Variants in PHLPP1 observed in about 807,000 individuals in gnomAD.
The protein encoded by PHLPP1 is PH domain and leucine rich repeat protein phosphatase 1.
PHLPP1 carries 42 observed loss-of-function variants against 117.2 expected under a neutral mutation model. The observed-to-expected ratio is 0.36, with a 90% CI of 0.28 to 0.46. The LOEUF is 0.46. PHLPP1 is among the 20% of genes least tolerant of loss of function. The pLI, the probability that PHLPP1 is intolerant of heterozygous loss-of-function variation, is 1.00. For synonymous variants in PHLPP1, 1,042 were observed against 970.7 expected (o/e 1.07, Z -1.37); for missense variants, 2,084 against 2,241.9 (o/e 0.93, Z 1.42).
chr18:62,862,973 A>C (rs1015575876), intron 4 of PHLPP1, among the ~76,000 whole-genome samples: 1 of 152,088 alleles, frequency 6.6e-6, no homozygotes, highest in South Asian at 2.1e-4. Flanking sequence ...AGACTCTAAT[A>C]AGGATATTTT....
intron 1 of PHLPP1, among the ~76,000 whole-genome samples, chr18:62,824,560 G>A (rs1914556293): frequency 6.6e-6 from 1 of 152,026 alleles, no homozygotes; most frequent in African/African-American, 2.4e-5. Context: ...TTCTGGTGAT[G>A]GTTTCATGTG....
chr18:62,877,676 G>C (rs571643356), intron 4 of PHLPP1, among the ~76,000 whole-genome samples: 1 of 152,180 alleles, frequency 6.6e-6, no homozygotes, highest in African/African-American at 2.4e-5. Context: ...TTGCTTTTCA[G>C]ATGGAATTGT....
At chr18:62,743,373 T>C (rs1911585556) in intron 1 of PHLPP1, among the ~76,000 whole-genome samples, 1 of 152,006 alleles carries the variant, frequency 6.6e-6, no homozygotes, top group South Asian at 2.1e-4. Flanking sequence ...TAATGAACTC[T>C]CACGTAATCA....
intron 1 of PHLPP1, among the ~76,000 whole-genome samples, chr18:62,774,067 G>T (rs1261068089): frequency 6.6e-6 from 1 of 152,130 alleles, no homozygotes; most frequent in African/African-American, 2.4e-5. Flanking sequence ...TTTAATACAT[G>T]TTTTTTTGTG....
chr18:62,862,247 T>G (rs1306955647), intron 4 of PHLPP1, among the ~76,000 whole-genome samples: 1 of 151,834 alleles, frequency 6.6e-6, no homozygotes, highest in African/African-American at 2.4e-5. Flanking sequence ...CCTGGCTAAT[T>G]TTTTTGTATT....
rs150592690 is a variant in PHLPP1, at chr18:62,918,976, T to C, written c.2805-983T>C. Reference sequence around the variant, plus strand: ...ATAAATATATGCTAATTTGTGTTAATTAAAAATTAACTTTAAAAAATTGTG... The same window carrying C: ...ATAAATATATGCTAATTTGTGTTAACTAAAAATTAACTTTAAAAAATTGTG... On this transcript the variant is annotated intron_variant, in intron 9 of 16. Transcript: ENST00000262719. Among the ~76,000 whole-genome samples the C allele has an allele frequency of 7.6e-4, 116 of 152,312 alleles. 1 individual carries two copies. The East Asian group carries it at 0.02, about 26-fold the overall frequency.
chr18:62,863,317 C>T (rs1412493982), intron 4 of PHLPP1, among the ~76,000 whole-genome samples: 1 of 152,118 alleles, frequency 6.6e-6, no homozygotes, highest in Non-Finnish European at 1.5e-5. Context: ...CCTCCTGCCT[C>T]AGCCTCCCAA....
At chr18:62,939,947 GA>G (rs1415639047) in intron 10 of PHLPP1, among the ~76,000 whole-genome samples, 4 of 151,704 alleles carry the variant, frequency 2.6e-5, no homozygotes. Context: ...ATTGAATGGT[GA>G]AAGTTTCAAA....
At chr18:62,802,488 G>T (rs1375137335) in intron 1 of PHLPP1, among the ~76,000 whole-genome samples, 1 of 152,110 alleles carries the variant, frequency 6.6e-6, no homozygotes, top group Non-Finnish European at 1.5e-5. Context: ...AGTATTTATG[G>T]CTCCAGAACA....
intron 1 of PHLPP1, among the ~76,000 whole-genome samples, chr18:62,767,114 G>A (rs1236320175): frequency 1.3e-5 from 2 of 152,100 alleles, no homozygotes; most frequent in Non-Finnish European, 1.5e-5. Context: ...AAAATATCTC[G>A]CTTTGAGCAT....
intron 1 of PHLPP1, among the ~76,000 whole-genome samples, chr18:62,742,990 T>G (rs773297416): frequency 2.6e-5 from 4 of 152,162 alleles, no homozygotes; most frequent in Non-Finnish European, 4.4e-5. Flanking sequence ...CCAATTTCCA[T>G]TTTAATGGAG....
At chr18:62,804,501 G>T (rs1913881653) in intron 1 of PHLPP1, among the ~76,000 whole-genome samples, 1 of 152,030 alleles carries the variant, frequency 6.6e-6, no homozygotes, top group Non-Finnish European at 1.5e-5. Flanking sequence ...AGGATCACTT[G>T]AACCTAGGAG....
At chr18:62,727,037 G>C (rs1366736758) in intron 1 of PHLPP1, among the ~76,000 whole-genome samples, 3 of 150,350 alleles carry the variant, frequency 2.0e-5, no homozygotes, top group African/African-American at 4.9e-5. Context: ...AGACCAACCT[G>C]ACCAACATGG....
rs181683457 is a variant in PHLPP1, at chr18:62,796,951, G to T, written c.1577-33084G>T. ...AGAAATTCTATTTTCTATTTCTTTG[G>T]CAATTCAAGCCCAGATTGCCATTTC... On this transcript the variant is annotated intron_variant, in intron 1 of 16. Coordinates refer to ENST00000262719, the MANE Select transcript of PHLPP1 (RefSeq NM_194449.4). Among the ~76,000 whole-genome samples the T allele has an allele frequency of 2.5e-4, 38 of 152,214 alleles. 1 individual carries two copies. The East Asian group carries it at 3.7e-3, about 15-fold the overall frequency.
At chr18:62,883,672 T>C (rs560993613) in intron 4 of PHLPP1, among the ~76,000 whole-genome samples, 3 of 152,200 alleles carry the variant, frequency 2.0e-5, no homozygotes, top group Non-Finnish European at 4.4e-5. Context: ...CCATCAGTTA[T>C]ACTTTTAGAA....
chr18:62,799,429 A>T (rs1913714223), intron 1 of PHLPP1, among the ~76,000 whole-genome samples: 1 of 152,198 alleles, frequency 6.6e-6, no homozygotes, highest in Admixed American at 6.5e-5. Context: ...TTAACCTGTC[A>T]TCACAAGACA....
intron 10 of PHLPP1, among the ~76,000 whole-genome samples, chr18:62,940,354 C>CTTTTTT (rs66530466): frequency 0.011 from 510 of 46,886 alleles, 58 homozygotes; most frequent in African/African-American, 0.013. Flanking sequence ...TCTTTCTTTT[C>CTTTTTT]TTTTTTTTTT....
chr18:62,821,573 AAAAG>A (rs1480368273), intron 1 of PHLPP1, among the ~76,000 whole-genome samples: 2 of 148,998 alleles, frequency 1.3e-5, no homozygotes, highest in African/African-American at 4.9e-5. Flanking sequence ...AAAAAAAAAG[AAAAG>A]AAAAAAGAAA....
At chr18:62,895,358 T>C (rs1223216829) in intron 5 of PHLPP1, among the ~76,000 whole-genome samples, 2 of 152,262 alleles carry the variant, frequency 1.3e-5, no homozygotes, top group East Asian at 3.8e-4. Context: ...AAAAATTAAA[T>C]ATTCTTGTTT....
Sources: allele counts gnomAD v4.1 joint callset (sites outside exome capture counted in the v4.1 genomes callset), GRCh38; gene constraint gnomAD v4.1.1; transcripts MANE v1.5; gene names NCBI Gene and HGNC (gene_info 2026-07-23, HGNC 2026-07-21).